ASTN2: variants seen among roughly 807,000 people sequenced by gnomAD.
The protein encoded by ASTN2 is astrotactin 2.
Under a neutral mutation model 139.8 loss-of-function variants are expected in ASTN2, and 54 were observed. That is an observed-to-expected ratio of 0.39 (90% CI 0.31 to 0.48). The LOEUF (loss-of-function observed/expected upper bound fraction) is 0.48, where lower values mean the gene tolerates loss of function less well. Ranked by LOEUF, ASTN2 falls within the 20% of genes least tolerant of loss-of-function variation. ASTN2 has a pLI of 0.95. For synonymous variants in ASTN2, 756 were observed against 719.5 expected (o/e 1.05, Z -0.81); for missense variants, 1,565 against 1,725.1 (o/e 0.91, Z 1.64).
Position 117,093,782 on chromosome 9 carries a change from G to A in ASTN2, c.1276+2262C>T, listed in dbSNP as rs561006131. On this transcript the variant is annotated intron_variant, in intron 5 of 22. Transcript: ENST00000313400. ...ACAACAAAAAATTATAGCAGCTGCG[G>A]CAGCAACAACAACAACCTAACAACA... is the stretch of plus-strand genomic sequence containing the variant. Among the ~76,000 whole-genome samples, 3 of 152,302 alleles carry A rather than the reference G, an allele frequency of 2.0e-5. No homozygotes were observed. In the East Asian group the frequency reaches 5.8e-4, roughly 29 times the overall value.
At chr9:116,632,245 GA>G (rs1413258719) in intron 17 of ASTN2, among the ~76,000 whole-genome samples, 1 of 138,730 alleles carries the variant, frequency 7.2e-6, no homozygotes, top group Non-Finnish European at 1.5e-5. Flanking sequence ...AAGAAAGAAA[GA>G]AAGAAGGAAA....
At chr9:117,113,325 C>A (rs1829294761) in intron 4 of ASTN2, among the ~76,000 whole-genome samples, 1 of 152,126 alleles carries the variant, frequency 6.6e-6, no homozygotes, top group African/African-American at 2.4e-5. Flanking sequence ...AAGCTGCAAC[C>A]AACCCAAATA....
intron 13 of ASTN2, among the ~76,000 whole-genome samples, chr9:116,795,268 G>T (rs1830661596): frequency 6.6e-6 from 1 of 152,204 alleles, no homozygotes; most frequent in South Asian, 2.1e-4. Flanking sequence ...GTGAGCCACT[G>T]CACCCGGCCT....
intron 20 of ASTN2, among the ~76,000 whole-genome samples, chr9:116,449,965 C>G (rs1014069436): frequency 2.6e-5 from 4 of 152,174 alleles, no homozygotes; most frequent in Non-Finnish European, 5.9e-5. Context: ...CTTCGTGGAG[C>G]AAAGACAGCC....
chr9:116,910,209 ATATT>A lies in ASTN2; in HGVS notation c.1890-46480_1890-46477del, dbSNP rs143967381. Among the ~76,000 whole-genome samples the A allele has an allele frequency of 0.019, 2,841 of 152,314 alleles. 139 individuals are homozygous for A. The East Asian group carries it at 0.2, about 11-fold the overall frequency. ...ATTCAAAAATTAGGCATAGAATTGA[ATATT>A]TATTTAGTACAAGAAGAGAAATCAT... is the stretch of plus-strand genomic sequence containing the variant. On this transcript the variant is annotated intron_variant, in intron 10 of 22. Coordinates refer to ENST00000313400, the MANE Select transcript of ASTN2 (RefSeq NM_001365068.1).
At chr9:116,896,055 T>C (rs565703536) in intron 10 of ASTN2, among the ~76,000 whole-genome samples, 1 of 152,330 alleles carries the variant, frequency 6.6e-6, no homozygotes, top group South Asian at 2.1e-4. Flanking sequence ...TAAGTGTCCT[T>C]GTTAAGTGCA....
rs190965203 is a variant in ASTN2, at chr9:116,867,407, G to A, written c.1890-3674C>T. Among the ~76,000 whole-genome samples, 919 of 151,826 alleles carry A rather than the reference G, an allele frequency of 6.1e-3. 6 individuals carry two copies. Among genetic ancestry groups the A allele is most frequent in the Middle Eastern group, 0.01 (3 of 294 alleles). On this transcript the variant is annotated intron_variant, in intron 10 of 22. Transcript: ENST00000313400. ...CTACTAAAAATACAAAAAATTAGCTGGGCGTGGTGGCGGGTGCCTGTAGTC... is the reference window on the plus strand; with the variant it reads ...CTACTAAAAATACAAAAAATTAGCTAGGCGTGGTGGCGGGTGCCTGTAGTC...
intron 16 of ASTN2, chr9:116,686,876 G>A: frequency 6.5e-7 from 1 of 1,535,758 alleles, no homozygotes; most frequent in Non-Finnish European, 8.8e-7. Context: ...GCCCTTCCTA[G>A]GGAGTCCCGG....
intron 14 of ASTN2, among the ~76,000 whole-genome samples, chr9:116,730,598 T>C (rs993508783): frequency 1.3e-5 from 2 of 152,044 alleles, no homozygotes; most frequent in Non-Finnish European, 2.9e-5. Flanking sequence ...GCAGAGAAAA[T>C]GTCTGCACAA....
intron 16 of ASTN2, among the ~76,000 whole-genome samples, chr9:116,665,795 TCAAA>T (rs1225644207): frequency 1.3e-5 from 2 of 152,214 alleles, no homozygotes. Context: ...TTTAAATTTA[TCAAA>T]CAAATACACT....
intron 17 of ASTN2, among the ~76,000 whole-genome samples, chr9:116,636,788 A>C (rs1459989585): frequency 3.9e-5 from 6 of 152,234 alleles, no homozygotes; most frequent in Non-Finnish European, 7.3e-5. Flanking sequence ...GGATTACATC[A>C]TGATCTCTCC....
chr9:116,587,338 C>T (rs1217903131), intron 19 of ASTN2, among the ~76,000 whole-genome samples: 1 of 114,518 alleles, frequency 8.7e-6, no homozygotes, highest in African/African-American at 3.7e-5. Flanking sequence ...AAGACCCCAT[C>T]TCAAATTTAA....
At chr9:117,323,163 G>GCA (rs1328876825) in intron 1 of ASTN2, among the ~76,000 whole-genome samples, 1 of 151,660 alleles carries the variant, frequency 6.6e-6, no homozygotes, top group African/African-American at 2.4e-5. Flanking sequence ...TTTTATGTGT[G>GCA]CACACACACA....
Position 116,699,325 on chromosome 9 carries a change from A to G in ASTN2, c.2806+26446T>C, listed in dbSNP as rs775116209. 6.2e-7 allele frequency: 1 copy of G among 1,614,200 alleles called. No individual in the cohort carries two copies. Among genetic ancestry groups the G allele is most frequent in the South Asian group, 1.1e-5 (1 of 91,078 alleles). ...ACCTGTGATGCTGAGGGCACCGTCT[A>G]CTTCACCCAGGGCTTAGGCCTCAAT... On this transcript the variant is annotated intron_variant, in intron 16 of 22. Transcript: ENST00000313400. The surrounding 1 kb of genome is among the most constrained non-coding windows in gnomAD (Gnocchi z 4.2).
intron 3 of ASTN2, among the ~76,000 whole-genome samples, chr9:117,144,661 T>TTTTTTTTTTGTTTTG (rs1830151571): frequency 1.3e-3 from 2 of 1,540 alleles, no homozygotes; most frequent in African/African-American, 1.8e-3. Flanking sequence ...TGAACACTAG[T>TTTTTTTTTTGTTTTG]TTTTTTTTTT....
At chr9:117,152,442 G>C (rs1165088205) in intron 3 of ASTN2, among the ~76,000 whole-genome samples, 1 of 152,018 alleles carries the variant, frequency 6.6e-6, no homozygotes, top group African/African-American at 2.4e-5. Flanking sequence ...TTACACCTTG[G>C]ATCTTGCCAT....
chr9:116,702,725 A>G (rs1222715812), intron 16 of ASTN2, among the ~76,000 whole-genome samples: 1 of 152,172 alleles, frequency 6.6e-6, no homozygotes, highest in Non-Finnish European at 1.5e-5. Context: ...GCTAGTGGCA[A>G]ACAATTGACT....
At chr9:116,722,975 C>T (rs1344749830) in intron 16 of ASTN2, among the ~76,000 whole-genome samples, 3 of 152,236 alleles carry the variant, frequency 2.0e-5, no homozygotes, top group Non-Finnish European at 4.4e-5. Context: ...ACTATCCTGG[C>T]TAACACAGTG....
At chr9:116,975,092 T>A in intron 10 of ASTN2, 116 bp downstream of exon 10, 1 of 1,102,512 alleles carries the variant, frequency 9.1e-7, no homozygotes, top group South Asian at 2.7e-5. Flanking sequence ...TTGACAGTGT[T>A]CTTCACATCA....
Sources: allele counts gnomAD v4.1 joint callset (sites outside exome capture counted in the v4.1 genomes callset), GRCh38; gene constraint gnomAD v4.1.1; non-coding constraint Gnocchi (gnomAD v3.1); transcripts MANE v1.5; gene names NCBI Gene and HGNC (gene_info 2026-07-23, HGNC 2026-07-21).